ARHGEF10L: variants seen among roughly 807,000 people sequenced by gnomAD.
ARHGEF10L encodes Rho guanine nucleotide exchange factor 10 like, also known as rho guanine nucleotide exchange factor 10-like protein.
In ARHGEF10L, 69 loss-of-function variants were observed where a neutral mutation model predicts 141.2. The observed-to-expected ratio is 0.49, with a 90% CI of 0.40 to 0.60. The LOEUF is 0.60. ARHGEF10L is among the 20% of genes least tolerant of loss of function. The pLI is 0.00. For synonymous variants in ARHGEF10L, 711 were observed against 718.5 expected (o/e 0.99, Z 0.17); for missense variants, 1,482 against 1,734.3 (o/e 0.85, Z 2.58).
rs2060121673 is a variant in ARHGEF10L, at chr1:17,621,796, C to G, written c.943-68C>G. The G allele has an allele frequency of 8.8e-7, 1 of 1,135,270 alleles. No individual in the cohort carries two copies. Among genetic ancestry groups the G allele is most frequent in the East Asian group, 2.5e-5 (1 of 39,364 alleles). The allele number at this position is 1,135,270 out of a possible 1,614,324, so 70.3% of individuals were successfully genotyped here. A position where few individuals can be genotyped will look rare whatever the true frequency, so the allele number is the denominator to read the frequency against. ...TCTCTGTCCTATAGTTGTCAGCTCCCCTTCCTGTCACTTGGGCCCTGTGCA... is the reference window on the plus strand; with the variant it reads ...TCTCTGTCCTATAGTTGTCAGCTCCGCTTCCTGTCACTTGGGCCCTGTGCA... On this transcript the variant is annotated intron_variant, in intron 10 of 28. Coordinates refer to ENST00000361221, the MANE Select transcript of ARHGEF10L (RefSeq NM_018125.4). This position sits in a 1 kb window ranked among gnomAD's most constrained non-coding sequence, Gnocchi z 4.1.
the ARHGEF10L span, among the ~76,000 whole-genome samples, chr1:17,528,753 CA>C: frequency 1.3e-5 from 2 of 152,180 alleles, no homozygotes; most frequent in Non-Finnish European, 2.9e-5. Context: ...AATAGTATAG[CA>C]GGGGTAACAG....
rs1259514839 is a variant in ARHGEF10L, at chr1:17,608,234, A to AC, written c.609+262dup. Among the ~76,000 whole-genome samples the AC allele has an allele frequency of 7.2e-5, 11 of 151,916 alleles. No individual in the cohort carries two copies. The East Asian group carries it at 2.1e-3, about 29-fold the overall frequency. On this transcript the variant is annotated intron_variant, in intron 7 of 28. Coordinates refer to ENST00000361221, the MANE Select transcript of ARHGEF10L (RefSeq NM_018125.4). ...GGTACCTGGCACAGGTGCTCCCCCC[A>AC]CCCCCTTGCTATGGCAGACCTGGTC... is the stretch of plus-strand genomic sequence containing the variant.
At chr1:17,651,425 T>C (rs886090103) in intron 22 of ARHGEF10L, among the ~76,000 whole-genome samples, 2 of 152,178 alleles carry the variant, frequency 1.3e-5, no homozygotes, top group East Asian at 3.9e-4. Flanking sequence ...AGCTTGGCCT[T>C]AGCGCATCCC....
intron 14 of ARHGEF10L, 34 bp downstream of exon 14, chr1:17,626,082 A>G: frequency 1.2e-6 from 2 of 1,601,284 alleles, no homozygotes; most frequent in Non-Finnish European, 1.7e-6. Context: ...TTCAACCCAC[A>G]GGGTTTGCCT....
At chr1:17,516,458 C>T in the ARHGEF10L span, among the ~76,000 whole-genome samples, 5 of 152,170 alleles carry the variant, frequency 3.3e-5, no homozygotes, top group African/African-American at 4.8e-5. Flanking sequence ...CAGATGGGGG[C>T]TGGTCCAGGG....
In ARHGEF10L at chr1:17,558,837, G is replaced by C. The variant is rs2077441148; in HGVS notation, c.-44+18887G>C. ...GGGGCCACAGATAGGGTCCAGGCAG[G>C]GGACAACACTGTGCCACAGGCTCCC... is the stretch of plus-strand genomic sequence containing the variant. On this transcript the variant is annotated intron_variant, in intron 1 of 28. Coordinates refer to ENST00000361221, the MANE Select transcript of ARHGEF10L (RefSeq NM_018125.4). This position sits in a 1 kb window ranked among gnomAD's most constrained non-coding sequence, Gnocchi z 4.2. Among the ~76,000 whole-genome samples, 1 of 152,210 alleles carries C rather than the reference G, an allele frequency of 6.6e-6. No homozygotes were observed.
rs1299766845 is a variant in ARHGEF10L, at chr1:17,639,814, A to G, written c.2172-388A>G. Reference sequence around the variant, plus strand: ...GGTGCTGGGAACAGACCCAAGTGAGACCCATTCCTCCCTCTAGAGGCACGT... The same window carrying G: ...GGTGCTGGGAACAGACCCAAGTGAGGCCCATTCCTCCCTCTAGAGGCACGT... On this transcript the variant is annotated intron_variant, in intron 20 of 28. Transcript: ENST00000361221. This position sits in a 1 kb window ranked among gnomAD's most constrained non-coding sequence, Gnocchi z 4.3. 7.6e-7 allele frequency: 1 copy of G among 1,316,958 alleles called. No individual in the cohort carries two copies. Among genetic ancestry groups the G allele is most frequent in the South Asian group, 1.2e-5 (1 of 81,156 alleles). 81.6% of individuals were successfully genotyped at this position (1,316,958 alleles called of 1,614,324 possible).
intron 10 of ARHGEF10L, among the ~76,000 whole-genome samples, chr1:17,620,398 T>C (rs1385783029): frequency 1.3e-5 from 2 of 152,096 alleles, no homozygotes; most frequent in African/African-American, 4.8e-5. Context: ...GGATGGTGGG[T>C]AGAGACCAGG....
intron 2 of ARHGEF10L, among the ~76,000 whole-genome samples, chr1:17,581,501 C>G (rs1233004431): frequency 1.3e-5 from 2 of 152,128 alleles, no homozygotes; most frequent in Non-Finnish European, 2.9e-5. Flanking sequence ...AGGGCTGTTT[C>G]ACCCAGGCAG....
intron 10 of ARHGEF10L, among the ~76,000 whole-genome samples, chr1:17,620,821 G>A (rs771764568): frequency 1.9e-4 from 29 of 152,154 alleles, no homozygotes; most frequent in African/African-American, 5.6e-4. Flanking sequence ...TGTGAGCAGC[G>A]TCCTAACTTT....
At chr1:17,689,588 CTCTCTTCT>C (rs2064932502) in intron 27 of ARHGEF10L, 1 of 122,244 alleles carries the variant, frequency 8.2e-6, no homozygotes, top group Non-Finnish European at 1.5e-5. Flanking sequence ...CCCTCCCTCC[CTCTCTTCT>C]TCCCTCCCTC....
At chr1:17,638,070 G>A in intron 19 of ARHGEF10L, 67 bp downstream of exon 19, 1 of 1,415,010 alleles carries the variant, frequency 7.1e-7, no homozygotes, top group Non-Finnish European at 9.7e-7. Flanking sequence ...GATTCAGAAA[G>A]CTGAGTAGGG....
rs2059992351 is a variant in ARHGEF10L at position 17,619,520 on chromosome 1, G to A, written c.942+75G>A. 8.2e-7 allele frequency: 1 copy of A among 1,221,712 alleles called. No individual in the cohort carries two copies. The highest frequency in any genetic ancestry group is 1.5e-5 in the African/African-American group (1 of 65,184). The allele number at this position is 1,221,712 out of a possible 1,614,324, so 75.7% of individuals were successfully genotyped here. ...TGGGGGTTCCAGCCTGTTCTCTGGGGCCACGCTTGTCTGGATCTCACAGGG... is the reference window on the plus strand; with the variant it reads ...TGGGGGTTCCAGCCTGTTCTCTGGGACCACGCTTGTCTGGATCTCACAGGG... On this transcript the variant is annotated intron_variant, in intron 10 of 28. Transcript: ENST00000361221. This position sits in a 1 kb window ranked among gnomAD's most constrained non-coding sequence, Gnocchi z 5.0.
intron 1 of ARHGEF10L, among the ~76,000 whole-genome samples, chr1:17,560,002 A>C (rs1460260609): frequency 2.0e-5 from 3 of 152,150 alleles, no homozygotes; most frequent in Non-Finnish European, 4.4e-5. Flanking sequence ...GTTCACAAGC[A>C]GGTAAATATT....
At chr1:17,522,145 C>G in the ARHGEF10L span, among the ~76,000 whole-genome samples, 2 of 151,982 alleles carry the variant, frequency 1.3e-5, no homozygotes, top group African/African-American at 2.4e-5. Flanking sequence ...GTGGGCGTGG[C>G]AGAGGGGTGG....
chr1:17,663,809 T>A (rs2062795230), intron 25 of ARHGEF10L, among the ~76,000 whole-genome samples: 1 of 152,062 alleles, frequency 6.6e-6, no homozygotes, highest in Non-Finnish European at 1.5e-5. Context: ...GTGCTCAAGG[T>A]CCTTAGCAAG....
chr1:17,588,313 C>A (rs2079202431), intron 3 of ARHGEF10L, 133 bp from the exon 4 acceptor site: 2 of 915,910 alleles, frequency 2.2e-6, no homozygotes, highest in Non-Finnish European at 1.7e-6. Context: ...GGAGGCGGGG[C>A]TCAGCAGGCA....
At chr1:17,655,265 T>C (rs1002642685) in intron 23 of ARHGEF10L, among the ~76,000 whole-genome samples, 1 of 152,040 alleles carries the variant, frequency 6.6e-6, no homozygotes, top group African/African-American at 2.4e-5. Flanking sequence ...CATCCATCCA[T>C]CTATCCACCC....
At position 17,632,431 on chromosome 1, in the gene ARHGEF10L, C is replaced by T; in HGVS notation, c.1695C>T (p.Leu565=). ...IKSKERRVFL[L]NDMLVCANIN... Reference sequence around the variant, plus strand: ...CCAAGGAGCGTCGGGTCTTCCTGCTCAACGACATGCTTGTCTGTGCCAACA... The same window carrying T: ...CCAAGGAGCGTCGGGTCTTCCTGCTTAACGACATGCTTGTCTGTGCCAACA... Residue 565 remains leucine (L), a synonymous_variant, in exon 16 of 29, where the codon CTC becomes CTT. Coordinates refer to ENST00000361221, the MANE Select transcript of ARHGEF10L (RefSeq NM_018125.4). 6.2e-7 allele frequency: 1 copy of T among 1,614,160 alleles called. No individual in the cohort carries two copies. Among genetic ancestry groups the T allele is most frequent in the Non-Finnish European group, 8.5e-7 (1 of 1,180,024 alleles).
Sources: allele counts gnomAD v4.1 joint callset (sites outside exome capture counted in the v4.1 genomes callset), GRCh38; gene constraint gnomAD v4.1.1; non-coding constraint Gnocchi (gnomAD v3.1); transcripts MANE v1.5; gene names NCBI Gene and HGNC (gene_info 2026-07-23, HGNC 2026-07-21).